Variants in TTC23 observed in about 807,000 individuals in gnomAD.
TTC23 encodes tetratricopeptide repeat domain 23, also known as tetratricopeptide repeat protein 23.
Under a neutral mutation model 55.1 loss-of-function variants are expected in TTC23, and 58 were observed. That is an observed-to-expected ratio of 1.05 (90% confidence interval 0.85 to 1.31). The LOEUF (loss-of-function observed/expected upper bound fraction) is 1.31. TTC23 is among the 50% of genes most tolerant of loss of function. TTC23 has a pLI of 0.00. For missense variants in TTC23, 516 were observed against 534.4 expected (o/e 0.97, Z 0.34); for synonymous variants, 203 against 199.9 (o/e 1.02, Z -0.13).
chr15:99,139,251 GCTTTCT>G, intron 13 of TTC23, 60 bp downstream of exon 13: 1 of 1,578,048 alleles, frequency 6.3e-7, no homozygotes, highest in Non-Finnish European at 8.6e-7. Context: ...TCTAGAACCA[GCTTTCT>G]CTTGAGATTC....
intron 12 of TTC23, among the ~76,000 whole-genome samples, chr15:99,147,207 G>A (rs905730396): frequency 6.8e-5 from 10 of 146,238 alleles, no homozygotes; most frequent in South Asian, 6.5e-4. Context: ...CCACAGCGCT[G>A]GGCCTCCAAA....
In TTC23 at chr15:99,163,130, A is replaced by G. The variant is rs78650914; in HGVS notation, c.866-1263T>C. 8.5e-3 allele frequency among the ~76,000 whole-genome samples: 1,301 copies of G among 152,212 alleles called. 13 individuals carry two copies. Among genetic ancestry groups the G allele is most frequent in the Non-Finnish European group, 0.011 (744 of 68,014 alleles). ...ACAAAAACAACAACAACAACAAAAA[A>G]CAAAACCAGAAAGATTATCCCCTGG... On this transcript the variant is annotated intron_variant, in intron 10 of 13. Transcript: ENST00000394132.
At chr15:99,240,314 C>T (rs1478805674) in intron 3 of TTC23, among the ~76,000 whole-genome samples, 1 of 152,152 alleles carries the variant, frequency 6.6e-6, no homozygotes, top group Non-Finnish European at 1.5e-5. Flanking sequence ...TTGTCTCATG[C>T]TGCCTCTTAA....
chr15:99,220,406 G>T (rs759789222), intron 6 of TTC23, among the ~76,000 whole-genome samples: 1 of 152,138 alleles, frequency 6.6e-6, no homozygotes, highest in African/African-American at 2.4e-5. Flanking sequence ...GAAAAGCATC[G>T]TCTGAAACCC....
rs1051294203 is a variant in TTC23, at chr15:99,175,126, G to T, written c.789C>A (p.Pro263=). The T allele has an allele frequency of 1.2e-6, 2 of 1,614,066 alleles. No homozygotes were observed. Among genetic ancestry groups the T allele is most frequent in the African/African-American group, 2.7e-5 (2 of 74,924 alleles). The change falls in exon 10 of 14, where the codon CCC becomes CCA. Residue 263 remains proline (P), a synonymous_variant. Coordinates refer to ENST00000394132, the MANE Select transcript of TTC23 (RefSeq NM_001288615.3). ...CCGAGTCTGCTGCCTCCACTTGAGA[G>T]GGGCTTCTACTCAGGATGATAAGAT... The part of the protein sequence containing the change: ...QAHLIILSRS[P]SQVEAADSAH...
chr15:99,219,137 T>C lies in TTC23; in HGVS notation c.305-89A>G, dbSNP rs1262835981. The C allele has an allele frequency of 2.1e-6, 3 of 1,443,472 alleles. No homozygotes were observed. The African/African-American group carries it at 4.2e-5, about 20-fold the overall frequency. 89.4% of individuals were successfully genotyped at this position (1,443,472 alleles called of 1,614,324 possible). A position where few individuals can be genotyped will look rare whatever the true frequency, so the allele number is the denominator to read the frequency against. On this transcript the variant is annotated intron_variant, in intron 6 of 13. Transcript: ENST00000394132. ...CTTATGGTCTGGGAATCTAACAAGG[T>C]CTCCTTCACATATTGTCAAATGACA...
chr15:99,175,045 C>G lies in TTC23; in HGVS notation c.865+5G>C, dbSNP rs773445034. 6.2e-7 allele frequency: 1 copy of G among 1,613,582 alleles called. No individual in the cohort carries two copies. On this transcript the variant is annotated splice_donor_5th_base_variant and intron_variant, in intron 10 of 13. Coordinates refer to ENST00000394132, the MANE Select transcript of TTC23 (RefSeq NM_001288615.3). Reference sequence around the variant, plus strand: ...GAGACAGGAAGAGAAAAGGATTCTTCTCACCATGGTGCTCGTGTCTCCCTG... The same window carrying G: ...GAGACAGGAAGAGAAAAGGATTCTTGTCACCATGGTGCTCGTGTCTCCCTG...
intron 8 of TTC23, among the ~76,000 whole-genome samples, chr15:99,205,044 T>C (rs1471131883): frequency 2.0e-5 from 3 of 152,228 alleles, no homozygotes; most frequent in African/African-American, 7.2e-5. Context: ...GCACCACTTG[T>C]TGAAGACACT....
rs2077953523 is a variant in TTC23 at position 99,221,773 on chromosome 15, A to G, written c.272T>C (p.Val91Ala). 2 of 1,614,174 alleles carry G rather than the reference A, an allele frequency of 1.2e-6. No homozygotes were observed. The highest frequency in any genetic ancestry group is 8.5e-7 in the Non-Finnish European group (1 of 1,180,004). The change falls in exon 6 of 14, where the codon GTT becomes GCT. Residue 91 changes from valine (V) to alanine (A), a missense_variant. Transcript: ENST00000394132. ...DSHWKLAEAH[V>A]NLAQGYLQLK... is the part of the protein sequence containing the mutation. Reference sequence around the variant, plus strand: ...CTGGAGGTAGCCTTGAGCCAGATTAACATGTGCCTCTGCTAGTTTCCAATG... The same window carrying G: ...CTGGAGGTAGCCTTGAGCCAGATTAGCATGTGCCTCTGCTAGTTTCCAATG...
At chr15:99,237,171 G>T (rs1033420540) in intron 3 of TTC23, among the ~76,000 whole-genome samples, 1 of 151,656 alleles carries the variant, frequency 6.6e-6, no homozygotes, top group Non-Finnish European at 1.5e-5. Flanking sequence ...TAGTAGAGAC[G>T]GGGTTTCACC....
chr15:99,164,975 T>C (rs1388619922), intron 10 of TTC23, among the ~76,000 whole-genome samples: 1 of 152,194 alleles, frequency 6.6e-6, no homozygotes, highest in East Asian at 1.9e-4. Flanking sequence ...GTTCCCCATC[T>C]GGAAAAGGGG....
rs1234561727 is a variant in TTC23 at position 99,219,028 on chromosome 15, G to T, written c.325C>A (p.Gln109Lys). The T allele has an allele frequency of 6.2e-7, 1 of 1,614,136 alleles. No individual in the cohort carries two copies. The highest frequency in any genetic ancestry group is 8.5e-7 in the Non-Finnish European group (1 of 1,180,004). ...ATTTGTCTGGCTTTTTCTGCATGTT[G>T]TTTTGCTTGCAGTGACAGTCCTGTG... The part of the protein sequence containing the change: ...QLKGLSLQAK[Q>K]HAEKARQILA... Residue 109 changes from glutamine (Q) to lysine (K), a missense_variant, in exon 7 of 14, where the codon CAA becomes AAA. Gln to Lys is a moderately conservative substitution (Grantham distance 53). Coordinates refer to ENST00000394132, the MANE Select transcript of TTC23 (RefSeq NM_001288615.3).
At chr15:99,221,210 C>G (rs1194204593) in intron 6 of TTC23, among the ~76,000 whole-genome samples, 4 of 152,110 alleles carry the variant, frequency 2.6e-5, no homozygotes, top group African/African-American at 9.7e-5. Context: ...AAAACAGAGC[C>G]AAGCAGTGGG....
At chr15:99,241,991 C>T (rs566618657) in intron 2 of TTC23, among the ~76,000 whole-genome samples, 57 of 152,112 alleles carry the variant, frequency 3.7e-4, no homozygotes, top group Admixed American at 9.2e-4. Context: ...AAAAATTAGC[C>T]GAGTGTGGTG....
intron 3 of TTC23, among the ~76,000 whole-genome samples, chr15:99,238,034 C>T (rs2079468461): frequency 6.6e-6 from 1 of 152,124 alleles, no homozygotes; most frequent in Non-Finnish European, 1.5e-5. Context: ...GGCACGATCT[C>T]GGCTCACTGC....
chr15:99,175,300 C>T (rs907165256), intron 9 of TTC23, 145 bp from the exon 10 acceptor site: 7 of 666,798 alleles, frequency 1.0e-5, no homozygotes, highest in African/African-American at 7.3e-5. Context: ...GAAATCAACT[C>T]GCAGGAAAGC....
chr15:99,199,685 G>A (rs964810724), intron 9 of TTC23, among the ~76,000 whole-genome samples: 1 of 152,122 alleles, frequency 6.6e-6, no homozygotes, highest in Non-Finnish European at 1.5e-5. Flanking sequence ...ACCCCCTTTA[G>A]AGCATCTCAG....
intron 8 of TTC23, among the ~76,000 whole-genome samples, chr15:99,206,383 G>C (rs1171372896): frequency 3.3e-5 from 5 of 152,266 alleles, no homozygotes; most frequent in South Asian, 4.1e-4. Flanking sequence ...ATGTAGGATT[G>C]ATATTAGTTC....
intron 8 of TTC23, among the ~76,000 whole-genome samples, chr15:99,212,424 T>C (rs2077114702): frequency 6.6e-6 from 1 of 152,208 alleles, no homozygotes; most frequent in African/African-American, 2.4e-5. Flanking sequence ...AGTGACTTTC[T>C]TTACCAGATT....
Sources: gnomAD v4.1 joint callset for allele counts (sites outside exome capture counted in the v4.1 genomes callset) on GRCh38, gnomAD v4.1.1 for gene constraint, MANE v1.5 for transcripts, NCBI Gene and HGNC (gene_info 2026-07-23, HGNC 2026-07-21) for gene names.